Variants in MANBA observed in about 807,000 individuals in gnomAD.
The protein encoded by MANBA is mannosidase beta, also known as beta-mannosidase.
In MANBA, 83 loss-of-function variants were observed where a neutral mutation model predicts 111.1. That is an observed-to-expected ratio of 0.75 (90% confidence interval 0.63 to 0.90). MANBA has a LOEUF of 0.90. Among genes scored for constraint, MANBA ranks in the 40% least tolerant of loss-of-function variants. The pLI is 0.00. For missense variants in MANBA, 1,036 were observed against 1,069.0 expected (o/e 0.97, Z 0.43); for synonymous variants, 370 against 378.7 (o/e 0.98, Z 0.27).
chr4:102,693,432 G>GA (rs983503993), intron 5 of MANBA, among the ~76,000 whole-genome samples: 8 of 152,136 alleles, frequency 5.3e-5, no homozygotes, highest in African/African-American at 1.9e-4. Flanking sequence ...AGCCTTATAA[G>GA]AAGAGGAAGA....
intron 12 of MANBA, among the ~76,000 whole-genome samples, chr4:102,655,229 T>C (rs1413303693): frequency 6.6e-6 from 1 of 152,106 alleles, no homozygotes; most frequent in Admixed American, 6.6e-5. Context: ...TATTACTAGA[T>C]GGCAATACTC....
intron 1 of MANBA, among the ~76,000 whole-genome samples, chr4:102,733,544 G>T (rs1723104887): frequency 6.6e-6 from 1 of 151,952 alleles, no homozygotes; most frequent in Admixed American, 6.6e-5. Context: ...TTTTTTTGTA[G>T]AGATGGAGAT....
At chr4:102,742,713 G>A (rs948396735) in intron 1 of MANBA, among the ~76,000 whole-genome samples, 1 of 152,194 alleles carries the variant, frequency 6.6e-6, no homozygotes, top group Admixed American at 6.5e-5. Context: ...TCCATGAATG[G>A]TAGTCTTGGC....
intron 1 of MANBA, among the ~76,000 whole-genome samples, chr4:102,740,254 C>G (rs1351208792): frequency 6.6e-6 from 1 of 152,152 alleles, no homozygotes; most frequent in East Asian, 1.9e-4. Context: ...TGAAAGACCT[C>G]TACAAGGAAA....
At chr4:102,752,379 G>A in intron 1 of MANBA, 1 of 1,235,332 alleles carries the variant, frequency 8.1e-7, no homozygotes, top group Non-Finnish European at 1.2e-6. Context: ...ACCATTCTTT[G>A]GTGTCACTGT....
intron 3 of MANBA, 133 bp from the exon 4 acceptor site, chr4:102,723,174 G>T: frequency 1.3e-6 from 1 of 793,020 alleles, no homozygotes; most frequent in Non-Finnish European, 2.1e-6. Context: ...TTGCAGGAGG[G>T]AACACTTCTC....
At chr4:102,687,918 A>G (rs1430019864) in intron 7 of MANBA, among the ~76,000 whole-genome samples, 1 of 152,192 alleles carries the variant, frequency 6.6e-6, no homozygotes, top group East Asian at 1.9e-4. Context: ...ACAGCCAAAG[A>G]GCACATTTCA....
intron 1 of MANBA, among the ~76,000 whole-genome samples, chr4:102,734,128 G>C (rs1723124581): frequency 6.6e-6 from 1 of 152,222 alleles, no homozygotes; most frequent in Admixed American, 6.5e-5. Flanking sequence ...ATGTGTCAAT[G>C]TCTGTTCATT....
intron 12 of MANBA, among the ~76,000 whole-genome samples, chr4:102,656,408 G>T (rs1664915291): frequency 6.6e-6 from 1 of 152,080 alleles, no homozygotes; most frequent in African/African-American, 2.4e-5. Context: ...AGGGAAATGT[G>T]AAGAAAAAAA....
At chr4:102,727,196 TG>T (rs1474498636) in intron 1 of MANBA, 1 of 377,550 alleles carries the variant, frequency 2.6e-6, no homozygotes, top group Non-Finnish European at 5.0e-6. Flanking sequence ...CAGGTTCTCC[TG>T]TGTGGGCACT....
At chr4:102,672,505 T>C (rs1006064414) in intron 8 of MANBA, among the ~76,000 whole-genome samples, 1 of 152,208 alleles carries the variant, frequency 6.6e-6, no homozygotes, top group Non-Finnish European at 1.5e-5. Context: ...TTGTATTGTG[T>C]ATATTTAAGG....
chr4:102,694,066 C>A (rs1377035201), intron 5 of MANBA, among the ~76,000 whole-genome samples: 1 of 152,172 alleles, frequency 6.6e-6, no homozygotes, highest in Non-Finnish European at 1.5e-5. Flanking sequence ...CAGCCTCTGA[C>A]AGGAAAACAA....
chr4:102,683,593 T>C (rs1232186728), intron 7 of MANBA, among the ~76,000 whole-genome samples: 2 of 152,324 alleles, frequency 1.3e-5, no homozygotes. Flanking sequence ...AAACACTCAG[T>C]TAACCTGGGC....
chr4:102,649,089 C>CT (rs1200270038), intron 13 of MANBA, among the ~76,000 whole-genome samples: 5 of 152,100 alleles, frequency 3.3e-5, no homozygotes, highest in African/African-American at 9.7e-5. Context: ...GTAGTTTATT[C>CT]TTTTTTTATT....
At chr4:102,680,274 A>G (rs555397881) in intron 7 of MANBA, among the ~76,000 whole-genome samples, 1 of 152,222 alleles carries the variant, frequency 6.6e-6, no homozygotes, top group Non-Finnish European at 1.5e-5. Context: ...TTCACTGTAC[A>G]TTGTTCAAGA....
At chr4:102,717,335 G>A (rs768108838) in intron 4 of MANBA, among the ~76,000 whole-genome samples, 1 of 150,760 alleles carries the variant, frequency 6.6e-6, no homozygotes, top group African/African-American at 2.4e-5. Flanking sequence ...AGAGGTTGAG[G>A]AGGATGGGTA....
At chr4:102,722,206 T>C (rs755309927) in intron 4 of MANBA, among the ~76,000 whole-genome samples, 5 of 152,138 alleles carry the variant, frequency 3.3e-5, no homozygotes, top group African/African-American at 4.8e-5. Flanking sequence ...GGTTACTTAA[T>C]GTAAATATAC....
At chr4:102,692,151 C>T (rs190415430) in intron 5 of MANBA, among the ~76,000 whole-genome samples, 2 of 152,038 alleles carry the variant, frequency 1.3e-5, no homozygotes, top group African/African-American at 2.4e-5. Context: ...AAGGTCCCAG[C>T]ACAGTGATAT....
intron 14 of MANBA, among the ~76,000 whole-genome samples, chr4:102,638,382 C>A (rs1729720705): frequency 6.6e-6 from 1 of 152,034 alleles, no homozygotes; most frequent in Non-Finnish European, 1.5e-5. Context: ...GCCATGATTG[C>A]ACCACTGCAC....
Sources: gnomAD v4.1 joint callset for allele counts (sites outside exome capture counted in the v4.1 genomes callset) on GRCh38, gnomAD v4.1.1 for gene constraint, MANE v1.5 for transcripts, NCBI Gene and HGNC (gene_info 2026-07-23, HGNC 2026-07-21) for gene names.